Variants in HECW1 observed in about 807,000 individuals in gnomAD.
HECW1 encodes HECT, C2 and WW domain containing E3 ubiquitin protein ligase 1.
A neutral mutation model predicts 182.3 loss-of-function variants in HECW1; 61 were observed. The observed-to-expected ratio is 0.33, with a 90% CI of 0.27 to 0.41. The LOEUF (loss-of-function observed/expected upper bound fraction) is 0.41. Ranked by LOEUF, HECW1 falls within the 10% of genes least tolerant of loss-of-function variation. The pLI is 1.00. For missense variants in HECW1, 1,739 were observed against 2,108.9 expected, an observed-to-expected ratio of 0.82 and a Z score of 3.44; for synonymous variants, 859 against 832.6, an observed-to-expected ratio of 1.03 and a Z score of -0.55.
At chr7:43,409,568 T>C (rs1369526078) in intron 8 of HECW1, among the ~76,000 whole-genome samples, 1 of 152,238 alleles carries the variant, frequency 6.6e-6, no homozygotes, top group African/African-American at 2.4e-5. Flanking sequence ...TCTGAAGCTT[T>C]GGTTAACACT....
chr7:43,428,249 C>T (rs2076424277), intron 8 of HECW1, among the ~76,000 whole-genome samples: 1 of 152,180 alleles, frequency 6.6e-6, no homozygotes, highest in Admixed American at 6.5e-5. Flanking sequence ...GTGAGTTGGG[C>T]TTTGAGTGTG....
intron 29 of HECW1, among the ~76,000 whole-genome samples, chr7:43,555,088 A>C (rs2081974553): frequency 6.6e-6 from 1 of 152,246 alleles, no homozygotes; most frequent in Admixed American, 6.5e-5. Flanking sequence ...TGTCTGACAC[A>C]GGAGAGGGCA....
Position 43,432,421 on chromosome 7 carries a change from G to A in HECW1, c.802-5582G>A, listed in dbSNP as rs1434175450. 6.6e-6 allele frequency among the ~76,000 whole-genome samples: 1 copy of A among 152,222 alleles called. No individual in the cohort carries two copies. Among genetic ancestry groups the A allele is most frequent in the Non-Finnish European group, 1.5e-5 (1 of 68,042 alleles). On this transcript the variant is annotated intron_variant, in intron 8 of 29. Coordinates refer to ENST00000395891, the MANE Select transcript of HECW1 (RefSeq NM_015052.5). This position sits in a 1 kb window ranked among gnomAD's most constrained non-coding sequence, Gnocchi z 4.1. ...CCCAAAGTGCTGGGATTACAGGTGTGAGCCACCGCGCCCGGCCCAGTTGTT... is the reference window on the plus strand; with the variant it reads ...CCCAAAGTGCTGGGATTACAGGTGTAAGCCACCGCGCCCGGCCCAGTTGTT...
intron 3 of HECW1, among the ~76,000 whole-genome samples, chr7:43,286,986 G>T (rs562687256): frequency 6.6e-6 from 1 of 151,994 alleles, no homozygotes; most frequent in Non-Finnish European, 1.5e-5. Context: ...AATTTGCTGT[G>T]TCCCGGGCAT....
At chr7:43,344,937 A>G (rs1211988734) in intron 5 of HECW1, among the ~76,000 whole-genome samples, 1 of 152,098 alleles carries the variant, frequency 6.6e-6, no homozygotes, top group Non-Finnish European at 1.5e-5. Flanking sequence ...GAGTGTTTTA[A>G]GTATATGTTC....
intron 18 of HECW1, 152 bp downstream of exon 18, chr7:43,492,332 G>C (rs1025247330): frequency 1.2e-5 from 7 of 580,426 alleles, no homozygotes; most frequent in Non-Finnish European, 1.8e-5. Context: ...TGCACACCCC[G>C]ACCCCTGCTA....
intron 2 of HECW1, among the ~76,000 whole-genome samples, chr7:43,153,814 G>A (rs1432268142): frequency 2.6e-5 from 4 of 152,214 alleles, no homozygotes; most frequent in African/African-American, 7.2e-5. Flanking sequence ...GAATCAGAAA[G>A]AGTTCATGTG....
At chr7:43,211,158 G>C (rs1490761096) in intron 2 of HECW1, among the ~76,000 whole-genome samples, 1 of 152,182 alleles carries the variant, frequency 6.6e-6, no homozygotes, top group Non-Finnish European at 1.5e-5. Context: ...CCTGTGTTTA[G>C]AGGTGGATGC....
chr7:43,444,939 C>A lies in HECW1; in HGVS notation c.1767C>A (p.Ser589=). 1 of 1,587,250 alleles carries A rather than the reference C, an allele frequency of 6.3e-7. No homozygotes were observed. The highest frequency in any genetic ancestry group is 8.6e-7 in the Non-Finnish European group (1 of 1,166,182). Reference sequence around the variant, plus strand: ...AGGAGGACGGCGCGGAGGAGGAGTCCACCCTCAAGGACTCCTCGGAGAAGG... The same window carrying A: ...AGGAGGACGGCGCGGAGGAGGAGTCAACCCTCAAGGACTCCTCGGAGAAGG... ...AEEEDGAEEE[S]TLKDSSEKDG... is the part of the protein sequence containing the mutation. The change falls in exon 11 of 30, where the codon TCC becomes TCA. Residue 589 remains serine, a synonymous_variant. Transcript: ENST00000395891. The surrounding 1 kb of genome is among the most constrained non-coding windows in gnomAD (Gnocchi z 4.3).
At chr7:43,342,803 A>T (rs1813160363) in intron 5 of HECW1, among the ~76,000 whole-genome samples, 1 of 151,752 alleles carries the variant, frequency 6.6e-6, no homozygotes, top group Non-Finnish European at 1.5e-5. Context: ...AGGCAGGCAG[A>T]TCATGAGGTC....
chr7:43,213,302 TAAG>T (rs1318766193), intron 2 of HECW1, among the ~76,000 whole-genome samples: 1 of 152,214 alleles, frequency 6.6e-6, no homozygotes, highest in Non-Finnish European at 1.5e-5. Flanking sequence ...GATTTCATGA[TAAG>T]AGACTTTATC....
Position 43,507,147 on chromosome 7 carries a change from A to T in HECW1, c.3642A>T (p.Arg1214Ser). ...SSPQNSPGLQ[R>S]ASARAPSPYR... is the part of the protein sequence containing the mutation. ...TGCTTCTCTCTGCAGGTTTACAGAG[A>T]GCCAGTGCAAGAGCCCCTTCCCCCT... The change falls in exon 22 of 30, where the codon AGA becomes AGT. Residue 1214 changes from arginine (R) to serine (S), a missense_variant. Arg to Ser is a moderately radical substitution (Grantham distance 110, BLOSUM62 -1). Around this residue, in one of 5 missense-constraint regions of HECW1, gnomAD observed 420 missense variants for 595.7 expected, o/e 0.71. Transcript: ENST00000395891. The T allele has an allele frequency of 6.2e-7, 1 of 1,613,828 alleles. No homozygotes were observed. The highest frequency in any genetic ancestry group is 2.2e-5 in the East Asian group (1 of 44,860).
intron 3 of HECW1, among the ~76,000 whole-genome samples, chr7:43,274,904 CAT>C (rs1336328636): frequency 3.3e-5 from 5 of 152,094 alleles, no homozygotes; most frequent in Non-Finnish European, 7.4e-5. Context: ...TTTTGCCTAT[CAT>C]ATTAAAAAAA....
chr7:43,118,980 C>CT (rs1318515147), intron 2 of HECW1: 1 of 152,216 alleles, frequency 6.6e-6, no homozygotes, highest in Non-Finnish European at 1.5e-5. Context: ...CACTGGCCTT[C>CT]TTCACTCCCT....
At chr7:43,410,222 T>C (rs1044669571) in intron 8 of HECW1, among the ~76,000 whole-genome samples, 2 of 152,222 alleles carry the variant, frequency 1.3e-5, no homozygotes, top group African/African-American at 4.8e-5. Context: ...TATGTATTTC[T>C]CAAAGTTCCG....
intron 2 of HECW1, among the ~76,000 whole-genome samples, chr7:43,221,448 A>G (rs955489950): frequency 6.7e-6 from 1 of 150,172 alleles, no homozygotes; most frequent in African/African-American, 2.4e-5. Flanking sequence ...AAATTTTTAA[A>G]TCTCCTTATC....
chr7:43,498,103 G>A (rs573570914), intron 19 of HECW1, among the ~76,000 whole-genome samples: 50 of 152,286 alleles, frequency 3.3e-4, no homozygotes, highest in African/African-American at 1.2e-3. Flanking sequence ...AGTCCCAGGG[G>A]CATCTGGAGG....
chr7:43,298,456 A>G (rs1806310065), intron 3 of HECW1, among the ~76,000 whole-genome samples: 1 of 152,164 alleles, frequency 6.6e-6, no homozygotes, highest in Admixed American at 6.5e-5. Context: ...ACTGCCTCCA[A>G]GTAGTATTAA....
intron 2 of HECW1, among the ~76,000 whole-genome samples, chr7:43,215,948 G>A (rs1025665839): frequency 2.6e-5 from 4 of 152,192 alleles, no homozygotes; most frequent in African/African-American, 9.6e-5. Flanking sequence ...GAGTGGGGCA[G>A]ACAGAGACCA....
Sources: gnomAD v4.1 joint callset for allele counts (sites outside exome capture counted in the v4.1 genomes callset) on GRCh38, gnomAD v4.1.1 for gene constraint, gnomAD v4.1.1 regional missense constraint, Gnocchi (gnomAD v3.1) non-coding constraint, MANE v1.5 for transcripts, NCBI Gene and HGNC (gene_info 2026-07-23, HGNC 2026-07-21) for gene names.